The following CTH variants were observed in gnomAD, a reference collection of about 807,000 sequenced individuals.
The protein encoded by CTH is cystathionase (cystathionine gamma-lyase).
A neutral mutation model predicts 50.6 loss-of-function variants in CTH; 41 were observed. The observed-to-expected ratio is 0.81, with a 90% CI of 0.63 to 1.05. The LOEUF is 1.05. Ranked by LOEUF, CTH falls within the 50% of genes least tolerant of loss-of-function variation. The pLI is 0.00. For missense variants in CTH, 470 were observed against 492.6 expected, an observed-to-expected ratio of 0.95 and a Z score of 0.43; for synonymous variants, 156 against 168.9, an observed-to-expected ratio of 0.92 and a Z score of 0.59.
intron 2 of CTH, among the ~76,000 whole-genome samples, chr1:70,417,315 C>T (rs1684115338): frequency 6.6e-6 from 1 of 151,592 alleles, no homozygotes; most frequent in Non-Finnish European, 1.5e-5. Context: ...TATGGAGTCT[C>T]CCTCTGTCAC....
At chr1:70,419,144 G>A (rs910404441) in intron 3 of CTH, among the ~76,000 whole-genome samples, 1 of 151,876 alleles carries the variant, frequency 6.6e-6, no homozygotes, top group African/African-American at 2.4e-5. Context: ...TCCCTACAAA[G>A]GACATGAACT....
chr1:70,427,117 G>GA (rs974621396), intron 5 of CTH, among the ~76,000 whole-genome samples: 23 of 152,024 alleles, frequency 1.5e-4, no homozygotes, highest in Non-Finnish European at 2.9e-4. Context: ...AAATCTTCCT[G>GA]AAAAAAATCT....
rs149061359 is a variant in CTH at position 70,438,899 on chromosome 1, A to G, written c.1191+73A>G. On this transcript the variant is annotated intron_variant, in intron 11 of 11. Coordinates refer to ENST00000370938, the MANE Select transcript of CTH (RefSeq NM_001902.6). Reference sequence around the variant, plus strand: ...TTTATCTTGGGCATGGGGGGTCACTATATTTACAAAGTGTGGTCTCACTGT... The same window carrying G: ...TTTATCTTGGGCATGGGGGGTCACTGTATTTACAAAGTGTGGTCTCACTGT... 5,081 of 1,604,852 alleles carry G rather than the reference A, an allele frequency of 3.2e-3. 11 individuals carry two copies. Among genetic ancestry groups the G allele is most frequent in the Non-Finnish European group, 3.8e-3 (4,433 of 1,176,448 alleles).
chr1:70,420,331 CA>C (rs1684187349), intron 3 of CTH, among the ~76,000 whole-genome samples: 2 of 152,182 alleles, frequency 1.3e-5, no homozygotes, highest in South Asian at 2.1e-4. Context: ...TTTCCAGGGA[CA>C]GGGGGATGGT....
At chr1:70,430,906 G>A (rs995202617) in intron 7 of CTH, 4 of 151,874 alleles carry the variant, frequency 2.6e-5, no homozygotes, top group African/African-American at 9.7e-5. Flanking sequence ...GCTGGGCACG[G>A]TGGCTCATGC....
At position 70,430,326 on chromosome 1, in the gene CTH, A is replaced by G. The variant is rs759893740; in HGVS notation, c.656A>G (p.Asp219Gly). 1.3e-6 allele frequency: 2 copies of G among 1,587,842 alleles called. No homozygotes were observed. The highest frequency in any genetic ancestry group is 1.7e-6 in the Non-Finnish European group (2 of 1,156,348). Residue 219 changes from aspartate to glycine, a missense_variant, in exon 7 of 12, where the codon GAT becomes GGT. Coordinates refer to ENST00000370938, the MANE Select transcript of CTH (RefSeq NM_001902.6). ...SATKYMNGHS[D>G]VVMGLVSVNC... ...TGTTTTTTGTTTTTAGGCCACAGTGATGTTGTAATGGGCCTGGTGTCTGTT... is the reference window on the plus strand; with the variant it reads ...TGTTTTTTGTTTTTAGGCCACAGTGGTGTTGTAATGGGCCTGGTGTCTGTT...
chr1:70,434,647 A>G (rs1684554357), intron 9 of CTH, among the ~76,000 whole-genome samples: 1 of 152,026 alleles, frequency 6.6e-6, no homozygotes, highest in South Asian at 2.1e-4. Flanking sequence ...TGTATTTCAT[A>G]AGTGATATAT....
chr1:70,418,166 T>C (rs2101732262), intron 3 of CTH, 134 bp downstream of exon 3: 1 of 1,026,054 alleles, frequency 9.7e-7, no homozygotes, highest in Non-Finnish European at 1.5e-6. Context: ...CAGGTACCTC[T>C]ATGCTCTCTC....
rs1684156912 is a variant in CTH, at chr1:70,419,053, CTA to C, written c.346+1023_346+1024del. 2.0e-5 allele frequency among the ~76,000 whole-genome samples: 3 copies of C among 147,662 alleles called. No homozygotes were observed. In the South Asian group the frequency reaches 6.5e-4, roughly 32 times the overall value. ...TGTGTTCTCATTGTTCAATTCCCAC[CTA>C]TGAGTAAGAACATGTGGTGTTTGGT... On this transcript the variant is annotated intron_variant, in intron 3 of 11. Coordinates refer to ENST00000370938, the MANE Select transcript of CTH (RefSeq NM_001902.6).
chr1:70,429,560 A>C (rs977803142), intron 5 of CTH, among the ~76,000 whole-genome samples: 7 of 152,224 alleles, frequency 4.6e-5, no homozygotes, highest in African/African-American at 1.7e-4. Flanking sequence ...TGCGCTTTCC[A>C]AGAAACTTTT....
intron 5 of CTH, among the ~76,000 whole-genome samples, chr1:70,427,537 C>A (rs1201256918): frequency 6.6e-6 from 1 of 152,110 alleles, no homozygotes; most frequent in Non-Finnish European, 1.5e-5. Context: ...CTAGAAAAGA[C>A]CTTAGGCCTC....
Position 70,424,304 on chromosome 1 carries a change from C to G in CTH, c.476C>G (p.Pro159Arg), listed in dbSNP as rs1248542433. The part of the protein sequence containing the change: ...PETKLVWIET[P>R]TNPTQKVIDI... ...TTTTAGCTTGTTTGGATCGAAACCCCCACAAACCCCACCCAGAAGGTGATT... is the reference window on the plus strand; with the variant it reads ...TTTTAGCTTGTTTGGATCGAAACCCGCACAAACCCCACCCAGAAGGTGATT... Residue 159 changes from proline (P) to arginine (R), a missense_variant, in exon 5 of 12, where the codon CCC becomes CGC. Coordinates refer to ENST00000370938, the MANE Select transcript of CTH (RefSeq NM_001902.6). 4 of 1,613,914 alleles carry G rather than the reference C, an allele frequency of 2.5e-6. No individual in the cohort carries two copies. Among genetic ancestry groups the G allele is most frequent in the Non-Finnish European group, 2.5e-6 (3 of 1,180,006 alleles).
At chr1:70,427,124 A>G (rs1025833485) in intron 5 of CTH, among the ~76,000 whole-genome samples, 1 of 152,168 alleles carries the variant, frequency 6.6e-6, no homozygotes, top group African/African-American at 2.4e-5. Flanking sequence ...CCTGAAAAAA[A>G]TCTTCTCATT....
At chr1:70,414,889 G>T (rs367673946) in intron 1 of CTH, among the ~76,000 whole-genome samples, 7 of 151,802 alleles carry the variant, frequency 4.6e-5, no homozygotes, top group African/African-American at 1.7e-4. Context: ...GCACTATCTC[G>T]GCTCACTGCA....
intron 5 of CTH, among the ~76,000 whole-genome samples, chr1:70,429,490 G>A (rs900976461): frequency 1.3e-5 from 2 of 152,158 alleles, no homozygotes; most frequent in African/African-American, 4.8e-5. Context: ...TAAATTTAGA[G>A]TCCTGTCAGC....
chr1:70,424,609 A>G (rs1002265621), intron 5 of CTH, among the ~76,000 whole-genome samples, 193 bp downstream of exon 5: 4 of 152,214 alleles, frequency 2.6e-5, no homozygotes, highest in African/African-American at 9.6e-5. Flanking sequence ...CTATGTTAAT[A>G]TCCTCTATGT....
At chr1:70,412,601 A>G (rs1280244476) in intron 1 of CTH, among the ~76,000 whole-genome samples, 1 of 152,202 alleles carries the variant, frequency 6.6e-6, no homozygotes, top group African/African-American at 2.4e-5. Context: ...ACTCCAACTC[A>G]AACAACAACA....
intron 1 of CTH, among the ~76,000 whole-genome samples, chr1:70,414,807 A>C (rs1684051452): frequency 6.7e-6 from 1 of 149,644 alleles, no homozygotes; most frequent in Non-Finnish European, 1.5e-5. Flanking sequence ...CATATATGTA[A>C]AAGGAGAATA....
chr1:70,417,814 C>A, intron 2 of CTH, 123 bp from the exon 3 acceptor site: 1 of 937,888 alleles, frequency 1.1e-6, no homozygotes, highest in Non-Finnish European at 1.7e-6. Context: ...AATCAGGGGC[C>A]TCTAGCAACT....
Sources: allele counts gnomAD v4.1 joint callset (sites outside exome capture counted in the v4.1 genomes callset), GRCh38; gene constraint gnomAD v4.1.1; transcripts MANE v1.5; gene names NCBI Gene and HGNC (gene_info 2026-07-23, HGNC 2026-07-21).